Variants in DAB1 observed in about 807,000 individuals in gnomAD.
The protein encoded by DAB1 is DAB adaptor protein 1, also known as disabled homolog 1.
In DAB1, 15 loss-of-function variants were observed where a neutral mutation model predicts 64.6. That is an observed-to-expected ratio of 0.23 (90% CI 0.16 to 0.36). DAB1 has a LOEUF of 0.36. Among genes scored for constraint, DAB1 ranks in the 10% least tolerant of loss-of-function variants. The pLI is 1.00. For synonymous variants in DAB1, 235 were observed against 251.9 expected, an observed-to-expected ratio of 0.93 and a Z score of 0.64; for missense variants, 596 against 706.7, an observed-to-expected ratio of 0.84 and a Z score of 1.78.
At chr1:57,165,716 A>G (rs898867877) in intron 2 of DAB1, among the ~76,000 whole-genome samples, 3 of 152,242 alleles carry the variant, frequency 2.0e-5, no homozygotes, top group African/African-American at 7.2e-5. Context: ...CCCAGAGTTC[A>G]CATAGCCAAT....
At chr1:57,049,504 A>G (rs1377838941) in intron 9 of DAB1, among the ~76,000 whole-genome samples, 1 of 128,328 alleles carries the variant, frequency 7.8e-6, no homozygotes, top group Non-Finnish European at 1.8e-5. Context: ...ATTCCCATGC[A>G]TGTAACTGAC....
intron 7 of DAB1, among the ~76,000 whole-genome samples, chr1:57,569,115 G>A (rs1182769343): frequency 6.3e-4 from 94 of 150,170 alleles, no homozygotes; most frequent in Non-Finnish European, 8.8e-4. Flanking sequence ...AAAATTAGCC[G>A]GGCGAGATGG....
At chr1:57,967,230 C>G (rs1330713093) in intron 5 of DAB1, among the ~76,000 whole-genome samples, 1 of 152,062 alleles carries the variant, frequency 6.6e-6, no homozygotes, top group Non-Finnish European at 1.5e-5. Flanking sequence ...CATTAATTAG[C>G]ACTGTCCCTA....
At chr1:58,146,753 T>A (rs527463942) in intron 5 of DAB1, among the ~76,000 whole-genome samples, 1 of 151,916 alleles carries the variant, frequency 6.6e-6, no homozygotes, top group South Asian at 2.1e-4. Context: ...TTCTATTATT[T>A]ATAATAGAAT....
At chr1:57,912,595 C>A (rs1644662773) in intron 5 of DAB1, among the ~76,000 whole-genome samples, 1 of 151,978 alleles carries the variant, frequency 6.6e-6, no homozygotes, top group South Asian at 2.1e-4. Context: ...CTGGCCAGGG[C>A]AATCAGGCAG....
intron 5 of DAB1, chr1:58,056,519 T>C: frequency 9.4e-7 from 1 of 1,060,520 alleles, no homozygotes; most frequent in South Asian, 1.2e-5. Flanking sequence ...TGTGCATTCT[T>C]AATGTTGGGT....
rs560986792 is a variant in DAB1 at position 57,559,864 on chromosome 1, T to C, written n.625+89728A>G. Among the ~76,000 whole-genome samples, 8 of 152,288 alleles carry C rather than the reference T, an allele frequency of 5.3e-5. No individual in the cohort carries two copies. The South Asian group carries it at 1.0e-3, about 20-fold the overall frequency. On this transcript the variant is annotated intron_variant and non_coding_transcript_variant, in intron 7 of 20. Transcript: ENST00000485760. Reference sequence around the variant, plus strand: ...AAATAATATCGCATCCTTGGAGGGATTGCGAAGATTAGTGCCACCATCAAG... The same window carrying C: ...AAATAATATCGCATCCTTGGAGGGACTGCGAAGATTAGTGCCACCATCAAG...
At chr1:57,327,083 C>A (rs755496699) in intron 1 of DAB1, among the ~76,000 whole-genome samples, 4 of 152,048 alleles carry the variant, frequency 2.6e-5, no homozygotes, top group African/African-American at 4.8e-5. Flanking sequence ...GGACTACAGG[C>A]GTGTGACCTC....
At position 57,131,970 on chromosome 1, in the gene DAB1, C is replaced by T. The variant is rs1038228113; in HGVS notation, c.306+4573G>A. ...GGCCTTATTTATCTCTATCTTTATA[C>T]AGGTACCCAATATTTCCTGAGTGAA... On this transcript the variant is annotated intron_variant, in intron 4 of 14. Transcript: ENST00000371236. 3.3e-5 allele frequency among the ~76,000 whole-genome samples: 5 copies of T among 151,838 alleles called. No individual in the cohort carries two copies. In the South Asian group the frequency reaches 1.0e-3, roughly 32 times the overall value.
chr1:57,676,558 C>CA (rs1646568236), intron 6 of DAB1, among the ~76,000 whole-genome samples: 1 of 152,194 alleles, frequency 6.6e-6, no homozygotes, highest in African/African-American at 2.4e-5. Context: ...CCTGAGAACT[C>CA]AACCATCTAG....
chr1:57,367,560 A>T (rs921549994), intron 1 of DAB1, among the ~76,000 whole-genome samples: 2 of 152,184 alleles, frequency 1.3e-5, no homozygotes, highest in Admixed American at 6.5e-5. Context: ...CAGCTATCGA[A>T]AGAAACCATG....
intron 3 of DAB1, among the ~76,000 whole-genome samples, chr1:58,490,466 T>C (rs1376819475): frequency 2.6e-5 from 4 of 152,302 alleles, no homozygotes; most frequent in Admixed American, 2.0e-4. Context: ...CTACATCTGA[T>C]TGGTGTACCT....
rs1197111004 is a variant in DAB1, at chr1:56,996,148, C to T, written c.*1996G>A. On this transcript the variant is annotated 3_prime_UTR_variant, in exon 15 of 15. Transcript: ENST00000371236. ...ACTTTTCGCTTTGTGAACAAGTATA[C>T]AATCATTTTTCAAATGAATCTCCCA... 2.6e-5 allele frequency: 4 copies of T among 152,150 alleles called. No individual in the cohort carries two copies. Among genetic ancestry groups the T allele is most frequent in the Non-Finnish European group, 5.9e-5 (4 of 68,032 alleles). 9.4% of individuals were successfully genotyped at this position (152,150 alleles called of 1,614,324 possible). A position where few individuals can be genotyped will look rare whatever the true frequency, so the allele number is the denominator to read the frequency against.
intron 6 of DAB1, among the ~76,000 whole-genome samples, chr1:57,768,949 C>A (rs1158103718): frequency 6.6e-6 from 1 of 152,102 alleles, no homozygotes; most frequent in Non-Finnish European, 1.5e-5. Flanking sequence ...GGCCACACCC[C>A]CAACCAGATT....
intron 2 of DAB1, among the ~76,000 whole-genome samples, chr1:58,525,556 A>G (rs575213767): frequency 1.3e-3 from 193 of 152,290 alleles, no homozygotes; most frequent in African/African-American, 4.5e-3. Flanking sequence ...AAACATCGAG[A>G]AAAATTAAAC....
intron 4 of DAB1, among the ~76,000 whole-genome samples, chr1:58,265,506 C>G (rs1661138675): frequency 6.6e-6 from 1 of 152,190 alleles, no homozygotes; most frequent in South Asian, 2.1e-4. Flanking sequence ...TAGTCTCATC[C>G]ATAAGTAGAA....
chr1:57,074,769 G>A (rs768169536), intron 4 of DAB1, among the ~76,000 whole-genome samples: 4 of 152,130 alleles, frequency 2.6e-5, no homozygotes, highest in Non-Finnish European at 5.9e-5. Context: ...GCAATAAAAC[G>A]AATGTATAAG....
chr1:57,452,152 T>A, intron 7 of DAB1, among the ~76,000 whole-genome samples: 1 of 135,804 alleles, frequency 7.4e-6, no homozygotes, highest in Non-Finnish European at 1.5e-5. Context: ...ATTTAGTCTC[T>A]CTCTGCACCC....
chr1:57,864,666 A>G (rs1473268523), intron 1 of DAB1: 1 of 133,162 alleles, frequency 7.5e-6, no homozygotes, highest in African/African-American at 2.9e-5. Flanking sequence ...TTATTTATTT[A>G]TTTATTTATT....
Sources: allele counts gnomAD v4.1 joint callset (sites outside exome capture counted in the v4.1 genomes callset), GRCh38; gene constraint gnomAD v4.1.1; transcripts MANE v1.5; gene names NCBI Gene and HGNC (gene_info 2026-07-23, HGNC 2026-07-21).